The following PTPRO variants were observed in gnomAD, a reference collection of about 807,000 sequenced individuals.
PTPRO encodes the protein protein tyrosine phosphatase receptor type O, also known as receptor-type tyrosine-protein phosphatase O.
PTPRO carries 62 observed loss-of-function variants against 145.2 expected under a neutral mutation model. That is an observed-to-expected ratio of 0.43 (90% CI 0.35 to 0.53). PTPRO has a LOEUF of 0.53. PTPRO is among the 20% of genes least tolerant of loss of function. PTPRO has a pLI of 0.01. For synonymous variants in PTPRO, 565 were observed against 514.7 expected, an observed-to-expected ratio of 1.10 and a Z score of -1.32; for missense variants, 1,345 against 1,482.7, an observed-to-expected ratio of 0.91 and a Z score of 1.53.
At chr12:15,546,031 T>G (rs944408699) in intron 12 of PTPRO, among the ~76,000 whole-genome samples, 1 of 148,084 alleles carries the variant, frequency 6.8e-6, no homozygotes, top group Non-Finnish European at 1.5e-5. Context: ...AAAAAAAAAA[T>G]GATACTATCT....
At chr12:15,434,630 C>A (rs1218697950) in intron 1 of PTPRO, among the ~76,000 whole-genome samples, 1 of 152,102 alleles carries the variant, frequency 6.6e-6, no homozygotes, top group Non-Finnish European at 1.5e-5. Flanking sequence ...AACACAGACC[C>A]ACTTAAACAT....
intron 1 of PTPRO, among the ~76,000 whole-genome samples, chr12:15,462,851 T>C (rs888257319): frequency 6.6e-6 from 1 of 152,158 alleles, no homozygotes; most frequent in South Asian, 2.1e-4. Flanking sequence ...AATTACCTGA[T>C]AACTAAAAAT....
At chr12:15,518,538 C>G (rs907453246) in intron 9 of PTPRO, among the ~76,000 whole-genome samples, 1 of 152,206 alleles carries the variant, frequency 6.6e-6, no homozygotes, top group Non-Finnish European at 1.5e-5. Flanking sequence ...ATTTTCTTTT[C>G]TATCACATTG....
At chr12:15,445,715 G>GA (rs933343978) in intron 1 of PTPRO, among the ~76,000 whole-genome samples, 2 of 151,788 alleles carry the variant, frequency 1.3e-5, no homozygotes, top group African/African-American at 4.8e-5. Flanking sequence ...TCTCCATTTA[G>GA]AAAAAAAATT....
intron 1 of PTPRO, among the ~76,000 whole-genome samples, chr12:15,460,740 G>A (rs772667067): frequency 2.0e-5 from 3 of 152,156 alleles, no homozygotes; most frequent in Non-Finnish European, 4.4e-5. Flanking sequence ...TAAGACCTAC[G>A]TTTAAGTAAG....
At chr12:15,500,310 G>A (rs1591656801) in intron 4 of PTPRO, among the ~76,000 whole-genome samples, 1 of 152,266 alleles carries the variant, frequency 6.6e-6, no homozygotes. Flanking sequence ...AAGATGTCAT[G>A]ATTCTTATTC....
chr12:15,556,569 A>G (rs1017212367), intron 15 of PTPRO, among the ~76,000 whole-genome samples: 1 of 152,102 alleles, frequency 6.6e-6, no homozygotes, highest in Non-Finnish European at 1.5e-5. Context: ...CATTCCGGAC[A>G]GTAGGCACAC....
chr12:15,432,909 G>T (rs141394790), intron 1 of PTPRO, among the ~76,000 whole-genome samples: 6 of 152,258 alleles, frequency 3.9e-5, no homozygotes, highest in African/African-American at 1.4e-4. Flanking sequence ...ATCTTTGTCA[G>T]ATACACAGTT....
At chr12:15,540,039 A>G (rs1185980860) in intron 12 of PTPRO, among the ~76,000 whole-genome samples, 3 of 152,018 alleles carry the variant, frequency 2.0e-5, no homozygotes, top group African/African-American at 7.2e-5. Flanking sequence ...TCTAACAAAG[A>G]CTTCTGCTGT....
At chr12:15,400,165 T>A (rs1172217850) in intron 1 of PTPRO, among the ~76,000 whole-genome samples, 1 of 151,584 alleles carries the variant, frequency 6.6e-6, no homozygotes, top group Admixed American at 6.6e-5. Flanking sequence ...TAGTTTTGTA[T>A]TTTTAGTAGA....
At chr12:15,518,028 A>G (rs1435580130) in intron 9 of PTPRO, among the ~76,000 whole-genome samples, 3 of 1,066 alleles carry the variant, frequency 2.8e-3, no homozygotes, top group Admixed American at 0.02. Flanking sequence ...TTCCTTTTAC[A>G]TTGCCTAGCA....
chr12:15,522,869 T>C (rs946829441), intron 10 of PTPRO, among the ~76,000 whole-genome samples: 3 of 152,234 alleles, frequency 2.0e-5, no homozygotes, highest in African/African-American at 7.2e-5. Context: ...ACTTCTGGGT[T>C]TGCAATTTTA....
intron 2 of PTPRO, among the ~76,000 whole-genome samples, chr12:15,490,358 A>G (rs1050919141): frequency 1.3e-5 from 2 of 152,220 alleles, no homozygotes; most frequent in African/African-American, 4.8e-5. Context: ...TACAGACTAT[A>G]TTGCAACTAC....
intron 2 of PTPRO, among the ~76,000 whole-genome samples, chr12:15,491,093 C>T (rs12309257): frequency 1.3e-5 from 2 of 152,184 alleles, no homozygotes; most frequent in African/African-American, 4.8e-5. Flanking sequence ...TTTGATGTAG[C>T]TGAGATGCCA....
chr12:15,451,020 CACTTAAAAGAT>C (rs754902456), intron 1 of PTPRO, among the ~76,000 whole-genome samples: 10 of 152,200 alleles, frequency 6.6e-5, no homozygotes, highest in Admixed American at 1.3e-4. Flanking sequence ...CTAAATGCTC[CACTTAAAAGAT>C]ACAGAATGGC....
chr12:15,491,452 A>C (rs1363730176), intron 2 of PTPRO, among the ~76,000 whole-genome samples: 2 of 152,226 alleles, frequency 1.3e-5, no homozygotes, highest in African/African-American at 4.8e-5. Context: ...CGAGATAGTC[A>C]CATCCAGAAC....
chr12:15,430,289 G>A (rs1225656558), intron 1 of PTPRO, among the ~76,000 whole-genome samples: 1 of 151,976 alleles, frequency 6.6e-6, no homozygotes, highest in Non-Finnish European at 1.5e-5. Flanking sequence ...GGTGGCAGAA[G>A]GCAGCAATGG....
chr12:15,482,324 TA>T (rs1002817977), intron 1 of PTPRO, among the ~76,000 whole-genome samples: 3 of 151,814 alleles, frequency 2.0e-5, no homozygotes, highest in African/African-American at 2.4e-5. Flanking sequence ...CTCACAATGC[TA>T]AAAAAAACTT....
chr12:15,556,528 A>G (rs1169838434), intron 15 of PTPRO, among the ~76,000 whole-genome samples: 2 of 152,148 alleles, frequency 1.3e-5, no homozygotes, highest in Non-Finnish European at 1.5e-5. Flanking sequence ...AAAAACTTCA[A>G]CAGTGTTTTT....
Sources: gnomAD v4.1 joint callset for allele counts (sites outside exome capture counted in the v4.1 genomes callset) on GRCh38, gnomAD v4.1.1 for gene constraint, MANE v1.5 for transcripts, NCBI Gene and HGNC (gene_info 2026-07-23, HGNC 2026-07-21) for gene names.